Variants in AMMECR1 observed in about 807,000 individuals in gnomAD.
AMMECR1 encodes AMMECR nuclear protein 1.
Under a neutral mutation model 22.5 loss-of-function variants are expected in AMMECR1, and 3 were observed. The ratio of observed to expected loss-of-function variants is 0.13; its 90% CI spans 0.06 to 0.35. The LOEUF (loss-of-function observed/expected upper bound fraction) is 0.35, where lower values mean the gene tolerates loss of function less well. Among genes scored for constraint, AMMECR1 ranks in the 10% least tolerant of loss-of-function variants. The pLI is 1.00. For missense variants in AMMECR1, 235 were observed against 278.7 expected, an observed-to-expected ratio of 0.84 and a Z score of 1.12; for synonymous variants, 130 against 116.7, an observed-to-expected ratio of 1.11 and a Z score of -0.74.
chrX:110,432,059 T>C (rs755799602), intron 1 of AMMECR1, among the ~76,000 whole-genome samples: 131 of 111,856 alleles, frequency 1.2e-3, no homozygotes, highest in Non-Finnish European at 1.9e-3. Flanking sequence ...ATTCAACATT[T>C]CTTGAGCTTT....
intron 1 of AMMECR1, among the ~76,000 whole-genome samples, chrX:110,317,274 A>G (rs190781381): frequency 1.6e-3 from 175 of 111,385 alleles, no homozygotes; most frequent in African/African-American, 4.8e-3. Flanking sequence ...AGATCTCCAA[A>G]ACCGGGGCAG....
intron 2 of AMMECR1, among the ~76,000 whole-genome samples, chrX:110,388,249 G>A (rs1188788588): frequency 8.9e-6 from 1 of 111,910 alleles, no homozygotes; most frequent in Non-Finnish European, 1.9e-5. Flanking sequence ...AGCCCATGAC[G>A]TGGAGCACAA....
At chrX:110,343,856 A>G (rs1453972215) in intron 2 of AMMECR1, among the ~76,000 whole-genome samples, 1 of 111,637 alleles carries the variant, frequency 9.0e-6, no homozygotes, top group Non-Finnish European at 1.9e-5. Context: ...ACACAAACAA[A>G]TGGAAGAACA....
intron 1 of AMMECR1, among the ~76,000 whole-genome samples, chrX:110,274,642 A>C (rs2067816557): frequency 1.8e-5 from 2 of 111,935 alleles, no homozygotes; most frequent in South Asian, 7.5e-4. Context: ...TGGGTTTCTT[A>C]TACACAGTAT....
At chrX:110,325,089 GTAGAATT>G (rs1406134889) in intron 2 of AMMECR1, among the ~76,000 whole-genome samples, 1 of 111,559 alleles carries the variant, frequency 9.0e-6, no homozygotes, top group African/African-American at 3.3e-5. Flanking sequence ...TAAATGTGTG[GTAGAATT>G]TAACAGTGAG....
At chrX:110,241,691 A>T (rs1322863858) in intron 2 of AMMECR1, among the ~76,000 whole-genome samples, 4 of 109,178 alleles carry the variant, frequency 3.7e-5, no homozygotes, top group Non-Finnish European at 7.6e-5. Context: ...GGATAGCATT[A>T]GGAGAAATAC....
intron 2 of AMMECR1, among the ~76,000 whole-genome samples, chrX:110,406,634 G>A (rs746576856): frequency 1.8e-5 from 2 of 111,835 alleles, no homozygotes; most frequent in African/African-American, 6.5e-5. Context: ...TAATGGGATC[G>A]CTGGGTCAAA....
At chrX:110,345,502 AT>A (rs779040190) in intron 2 of AMMECR1, among the ~76,000 whole-genome samples, 236 of 100,811 alleles carry the variant, frequency 2.3e-3, no homozygotes, top group Non-Finnish European at 3.1e-3. Flanking sequence ...AATAAAAAAA[AT>A]ATATATATAT....
intron 1 of AMMECR1, among the ~76,000 whole-genome samples, chrX:110,274,119 T>C (rs1427311225): frequency 8.9e-6 from 1 of 112,137 alleles, no homozygotes; most frequent in Non-Finnish European, 1.9e-5. Flanking sequence ...TCCATTAGCA[T>C]GGGATGTTTT....
At chrX:110,295,276 A>C (rs1251200816) in intron 1 of AMMECR1, among the ~76,000 whole-genome samples, 1 of 111,545 alleles carries the variant, frequency 9.0e-6, no homozygotes, top group Non-Finnish European at 1.9e-5. Context: ...AAATTATTAA[A>C]GATATTAATT....
intron 2 of AMMECR1, among the ~76,000 whole-genome samples, chrX:110,401,323 C>T (rs754240845): frequency 1.8e-5 from 2 of 110,973 alleles, no homozygotes; most frequent in Non-Finnish European, 3.8e-5. Context: ...CAGTGTGTCT[C>T]GGGGACTCAG....
intron 1 of AMMECR1, among the ~76,000 whole-genome samples, chrX:110,429,622 A>G (rs1257710227): frequency 4.5e-5 from 5 of 110,105 alleles, no homozygotes; most frequent in Admixed American, 3.9e-4. Flanking sequence ...AGCTGGGATT[A>G]CGGGCCCATG....
intron 2 of AMMECR1, among the ~76,000 whole-genome samples, chrX:110,424,831 G>A (rs1351863876): frequency 1.8e-5 from 2 of 111,992 alleles, no homozygotes; most frequent in Non-Finnish European, 3.8e-5. Flanking sequence ...GTGTTGTCCC[G>A]TTAATCTCTC....
chrX:110,202,128 A>G (rs1039101164), intron 4 of AMMECR1, among the ~76,000 whole-genome samples: 3 of 112,460 alleles, frequency 2.7e-5, no homozygotes, highest in African/African-American at 9.7e-5. Context: ...TGTTTATGCC[A>G]CAATGGAATA....
At chrX:110,416,629 T>C (rs1429685371) in intron 2 of AMMECR1, among the ~76,000 whole-genome samples, 7 of 112,182 alleles carry the variant, frequency 6.2e-5, no homozygotes, top group Non-Finnish European at 1.3e-4. Flanking sequence ...TGCATAGCTC[T>C]GGCTCAGAAA....
chrX:110,339,505 A>C (rs1602909701), intron 2 of AMMECR1, among the ~76,000 whole-genome samples: 1 of 99,457 alleles, frequency 1.0e-5, no homozygotes, highest in Admixed American at 1.1e-4. Context: ...TATTATTATT[A>C]TTTTTTTGGA....
intron 2 of AMMECR1, among the ~76,000 whole-genome samples, chrX:110,223,169 A>C (rs2067513251): frequency 8.9e-6 from 1 of 112,292 alleles, no homozygotes; most frequent in Non-Finnish European, 1.9e-5. Flanking sequence ...ATAAAGAAAC[A>C]GATGGCTAAA....
chrX:110,277,558 A>G (rs1265057865), intron 1 of AMMECR1, among the ~76,000 whole-genome samples: 1 of 111,696 alleles, frequency 9.0e-6, no homozygotes, highest in Non-Finnish European at 1.9e-5. Context: ...CCTAGAACTT[A>G]AAGTATAATA....
intron 1 of AMMECR1, among the ~76,000 whole-genome samples, chrX:110,293,678 A>G (rs1479655182): frequency 1.8e-5 from 2 of 112,024 alleles, no homozygotes; most frequent in Non-Finnish European, 3.8e-5. Context: ...AGCCTAAGTC[A>G]TCCTCAGGTC....
Sources: gnomAD v4.1 joint callset for allele counts (sites outside exome capture counted in the v4.1 genomes callset) on GRCh38, gnomAD v4.1.1 for gene constraint, MANE v1.5 for transcripts, NCBI Gene and HGNC (gene_info 2026-07-23, HGNC 2026-07-21) for gene names.